TASP1: variants seen among roughly 807,000 people sequenced by gnomAD.
The protein encoded by TASP1 is threonine aspartase 1.
A neutral mutation model predicts 56.6 loss-of-function variants in TASP1; 16 were observed. The observed-to-expected ratio is 0.28, with a 90% CI of 0.19 to 0.43. TASP1 has a LOEUF of 0.43. Among genes scored for constraint, TASP1 ranks in the 20% least tolerant of loss-of-function variants. The pLI, the probability that TASP1 is intolerant of heterozygous loss-of-function variation, is 1.00. For synonymous variants in TASP1, 179 were observed against 184.2 expected (o/e 0.97, Z 0.23); for missense variants, 393 against 511.6 (o/e 0.77, Z 2.24).
chr20:13,421,925 C>T (rs1442828933), intron 12 of TASP1, among the ~76,000 whole-genome samples: 1 of 151,148 alleles, frequency 6.6e-6, no homozygotes, highest in Non-Finnish European at 1.5e-5. Context: ...CAACAAATAA[C>T]CTTATTTTAT....
the TASP1 span, among the ~76,000 whole-genome samples, chr20:13,248,172 G>T: frequency 6.6e-6 from 1 of 152,174 alleles, no homozygotes; most frequent in Admixed American, 6.5e-5. Context: ...ATTTCTTTGT[G>T]TGCACAAATT....
chr20:13,318,493 C>T, the TASP1 span, among the ~76,000 whole-genome samples: 3 of 152,172 alleles, frequency 2.0e-5, no homozygotes, highest in African/African-American at 7.2e-5. Flanking sequence ...ACCCAAAAAA[C>T]TTGAAAAATT....
intron 4 of TASP1, among the ~76,000 whole-genome samples, chr20:13,604,227 C>T (rs1240469361): frequency 6.6e-6 from 1 of 152,136 alleles, no homozygotes; most frequent in African/African-American, 2.4e-5. Flanking sequence ...TGACCTCCAA[C>T]GTTGGAGGTG....
the TASP1 span, among the ~76,000 whole-genome samples, chr20:13,265,147 C>G: frequency 6.6e-6 from 1 of 152,180 alleles, no homozygotes; most frequent in African/African-American, 2.4e-5. Flanking sequence ...CCCTTTGGAT[C>G]TATAAACCAC....
At chr20:13,160,088 C>T in the TASP1 span, 1 of 1,613,750 alleles carries the variant, frequency 6.2e-7, no homozygotes, top group African/African-American at 1.3e-5. Context: ...AGCTCGGGCT[C>T]GGTTTTGTGT....
At chr20:13,416,467 T>C (rs1440346626) in intron 13 of TASP1, among the ~76,000 whole-genome samples, 1 of 152,164 alleles carries the variant, frequency 6.6e-6, no homozygotes, top group Non-Finnish European at 1.5e-5. Context: ...AAAAGTTCTG[T>C]GGAGCTACAG....
chr20:13,617,022 G>C, intron 4 of TASP1: 1 of 453,950 alleles, frequency 2.2e-6, no homozygotes, highest in East Asian at 7.0e-5. Context: ...TTGTTCAGAA[G>C]GTGGAAATTC....
the TASP1 span, among the ~76,000 whole-genome samples, chr20:13,156,684 A>C: frequency 6.6e-6 from 1 of 152,236 alleles, no homozygotes; most frequent in Non-Finnish European, 1.5e-5. Context: ...CAATTAATAA[A>C]GTCATTAATA....
At chr20:13,533,508 G>A (rs926765950) in intron 9 of TASP1, among the ~76,000 whole-genome samples, 4 of 152,272 alleles carry the variant, frequency 2.6e-5, no homozygotes, top group East Asian at 1.9e-4. Context: ...GATTTGTTAA[G>A]TGGTATCATG....
intron 7 of TASP1, among the ~76,000 whole-genome samples, chr20:13,560,984 G>A (rs188040098): frequency 1.1e-3 from 172 of 152,244 alleles, no homozygotes; most frequent in Middle Eastern, 3.4e-3. Flanking sequence ...TCACCTACTA[G>A]GGATCCCCAA....
At chr20:13,609,274 C>CA in intron 4 of TASP1, among the ~76,000 whole-genome samples, 1 of 152,090 alleles carries the variant, frequency 6.6e-6, no homozygotes, top group Non-Finnish European at 1.5e-5. Context: ...GTTATGACGA[C>CA]AAAAACAGAA....
the TASP1 span, among the ~76,000 whole-genome samples, chr20:13,218,375 A>T: frequency 6.6e-6 from 1 of 152,154 alleles, no homozygotes; most frequent in Non-Finnish European, 1.5e-5. Flanking sequence ...CCAAACCTAG[A>T]TCCAAGTATA....
chr20:13,413,266 A>T (rs1263619469), intron 13 of TASP1, among the ~76,000 whole-genome samples: 1 of 152,184 alleles, frequency 6.6e-6, no homozygotes, highest in Non-Finnish European at 1.5e-5. Context: ...AGGTGAGGGA[A>T]ATATGGTATG....
chr20:13,223,202 A>AAT, the TASP1 span, among the ~76,000 whole-genome samples: 1 of 151,426 alleles, frequency 6.6e-6, no homozygotes, highest in African/African-American at 2.4e-5. Flanking sequence ...TAAATAAATA[A>AAT]ATAAATAAAA....
the TASP1 span, among the ~76,000 whole-genome samples, chr20:13,357,318 C>T: frequency 1.3e-5 from 2 of 151,998 alleles, no homozygotes; most frequent in African/African-American, 4.8e-5. Context: ...AACAACCCCC[C>T]ACCCACCCCA....
At chr20:13,296,002 C>A in the TASP1 span, among the ~76,000 whole-genome samples, 3 of 152,338 alleles carry the variant, frequency 2.0e-5, no homozygotes, top group Admixed American at 2.0e-4. Context: ...TTGAAGCAAC[C>A]CTGACTTCCC....
chr20:13,633,733 A>G (rs1045461229), intron 1 of TASP1, among the ~76,000 whole-genome samples: 3 of 152,184 alleles, frequency 2.0e-5, no homozygotes, highest in Admixed American at 6.5e-5. Context: ...TAGATCCACA[A>G]GAAAAATGTC....
chr20:13,288,752 G>A, the TASP1 span: 1 of 1,453,198 alleles, frequency 6.9e-7, no homozygotes, highest in South Asian at 1.2e-5. Flanking sequence ...TAAAAACTTA[G>A]TGACATTGTC....
At chr20:13,557,607 G>A (rs946497805) in intron 8 of TASP1, among the ~76,000 whole-genome samples, 25 of 137,218 alleles carry the variant, frequency 1.8e-4, no homozygotes, top group Non-Finnish European at 3.2e-4. Flanking sequence ...TTGAGACAGG[G>A]TCTCACTCCA....
Sources: gnomAD v4.1 joint callset for allele counts (sites outside exome capture counted in the v4.1 genomes callset) on GRCh38, gnomAD v4.1.1 for gene constraint, MANE v1.5 for transcripts, NCBI Gene and HGNC (gene_info 2026-07-23, HGNC 2026-07-21) for gene names.